Variants in ZFAND3 observed in about 807,000 individuals in gnomAD.
ZFAND3 encodes zinc finger AN1-type containing 3, also known as AN1-type zinc finger protein 3.
Under a neutral mutation model 29.6 loss-of-function variants are expected in ZFAND3, and 10 were observed. That is an observed-to-expected ratio of 0.34 (90% CI 0.21 to 0.57). ZFAND3 has a LOEUF of 0.57. Ranked by LOEUF, ZFAND3 falls within the 20% of genes least tolerant of loss-of-function variation. ZFAND3 has a pLI of 0.86. For synonymous variants in ZFAND3, 128 were observed against 112.6 expected, an observed-to-expected ratio of 1.14 and a Z score of -0.87; for missense variants, 230 against 304.5, an observed-to-expected ratio of 0.76 and a Z score of 1.82.
intron 2 of ZFAND3, among the ~76,000 whole-genome samples, chr6:38,048,754 G>A (rs1387334679): frequency 6.6e-6 from 1 of 151,908 alleles, no homozygotes; most frequent in Non-Finnish European, 1.5e-5. Flanking sequence ...CTTTCTTATG[G>A]TCATGCAGTT....
intron 1 of ZFAND3, among the ~76,000 whole-genome samples, chr6:37,918,328 G>C (rs1384490230): frequency 6.6e-6 from 1 of 152,178 alleles, no homozygotes; most frequent in Non-Finnish European, 1.5e-5. Flanking sequence ...ACCTGCCTCA[G>C]CCTCCCAAAG....
At chr6:37,997,068 T>G (rs1418611154) in intron 2 of ZFAND3, among the ~76,000 whole-genome samples, 2 of 152,206 alleles carry the variant, frequency 1.3e-5, no homozygotes, top group Non-Finnish European at 2.9e-5. Flanking sequence ...GCCTTTATTA[T>G]GTGAATTAGG....
At chr6:38,137,594 A>G (rs554507660) in intron 5 of ZFAND3, among the ~76,000 whole-genome samples, 1 of 152,368 alleles carries the variant, frequency 6.6e-6, no homozygotes, top group East Asian at 1.9e-4. Context: ...GGAGAGATGC[A>G]GTAAGCAAGG....
intron 1 of ZFAND3, among the ~76,000 whole-genome samples, chr6:37,833,631 C>T (rs560043106): frequency 6.6e-6 from 1 of 151,990 alleles, no homozygotes; most frequent in East Asian, 1.9e-4. Flanking sequence ...TAGAGACTAG[C>T]CTGGCCAACA....
At chr6:38,034,708 A>T (rs531943108) in intron 2 of ZFAND3, among the ~76,000 whole-genome samples, 1 of 152,310 alleles carries the variant, frequency 6.6e-6, no homozygotes, top group African/African-American at 2.4e-5. Flanking sequence ...ACTTCTAGGC[A>T]TTTTAAAAAG....
intron 2 of ZFAND3, among the ~76,000 whole-genome samples, chr6:38,040,632 C>T (rs956118478): frequency 2.6e-5 from 4 of 152,144 alleles, no homozygotes; most frequent in African/African-American, 9.7e-5. Context: ...ACAAGATCTC[C>T]AGTATGTCCT....
chr6:37,933,757 TTTTGTTTGTTTG>T (rs758030914), intron 2 of ZFAND3, among the ~76,000 whole-genome samples: 1 of 152,170 alleles, frequency 6.6e-6, no homozygotes, highest in African/African-American at 2.4e-5. Flanking sequence ...AGAGAGGTTT[TTTTGTTTGTTTG>T]TTTGTTTGTT....
At chr6:37,860,270 G>A (rs1764461291) in intron 1 of ZFAND3, among the ~76,000 whole-genome samples, 1 of 150,802 alleles carries the variant, frequency 6.6e-6, no homozygotes, top group African/African-American at 2.4e-5. Context: ...ATAGTAAAGA[G>A]GAATAATATT....
At chr6:38,145,604 G>T (rs1766089033) in intron 5 of ZFAND3, among the ~76,000 whole-genome samples, 1 of 152,202 alleles carries the variant, frequency 6.6e-6, no homozygotes, top group Non-Finnish European at 1.5e-5. Context: ...GGTCATGTTA[G>T]AAGTTTGGTT....
intron 2 of ZFAND3, among the ~76,000 whole-genome samples, chr6:38,015,216 G>C (rs1763233217): frequency 6.6e-6 from 1 of 152,130 alleles, no homozygotes; most frequent in South Asian, 2.1e-4. Context: ...ATTGTGGCTA[G>C]TAATTATGAA....
intron 2 of ZFAND3, among the ~76,000 whole-genome samples, chr6:38,019,804 C>G (rs961648836): frequency 1.3e-5 from 2 of 152,186 alleles, no homozygotes; most frequent in African/African-American, 2.4e-5. Flanking sequence ...TCACTGCAAC[C>G]TCTGCCTCCT....
intron 1 of ZFAND3, among the ~76,000 whole-genome samples, chr6:37,901,247 G>T (rs1765313755): frequency 1.3e-5 from 2 of 152,166 alleles, no homozygotes; most frequent in African/African-American, 4.8e-5. Flanking sequence ...GGAAGGAAAA[G>T]GGCATCCTGA....
At chr6:37,870,515 C>T (rs954226155) in intron 1 of ZFAND3, among the ~76,000 whole-genome samples, 70 of 146,942 alleles carry the variant, frequency 4.8e-4, no homozygotes, top group African/African-American at 1.7e-3. Context: ...AGGAGAATTG[C>T]TTGAACATGG....
chr6:38,123,186 G>A (rs1451652647), intron 5 of ZFAND3, among the ~76,000 whole-genome samples: 1 of 152,192 alleles, frequency 6.6e-6, no homozygotes, highest in South Asian at 2.1e-4. Flanking sequence ...GAGTCAAAAG[G>A]AATATGCATG....
chr6:38,138,854 CATT>C (rs774796585), intron 5 of ZFAND3, among the ~76,000 whole-genome samples: 1 of 152,164 alleles, frequency 6.6e-6, no homozygotes, highest in South Asian at 2.1e-4. Context: ...AGATTCCTAG[CATT>C]ATTCTAGTCA....
chr6:37,843,190 C>G (rs1452865036), intron 1 of ZFAND3, among the ~76,000 whole-genome samples: 1 of 149,642 alleles, frequency 6.7e-6, no homozygotes, highest in African/African-American at 2.5e-5. Flanking sequence ...GATTTTGTTT[C>G]TTTAAGTGTT....
intron 4 of ZFAND3, among the ~76,000 whole-genome samples, chr6:38,103,350 A>G (rs201115899): frequency 0.082 from 155 of 1,900 alleles, 1 homozygote; most frequent in African/African-American, 0.15. Flanking sequence ...GTGTGTATGT[A>G]TATATATATA....
At chr6:38,051,859 T>C (rs1764033705) in intron 2 of ZFAND3, among the ~76,000 whole-genome samples, 1 of 151,284 alleles carries the variant, frequency 6.6e-6, no homozygotes, top group South Asian at 2.1e-4. Flanking sequence ...TTGTTAGATA[T>C]TTGCTGTAAT....
In ZFAND3 at chr6:38,048,632, A is replaced by AAAAAAAAAAAAAAAAT. The variant is rs1403232600; in HGVS notation, c.113-12959_113-12958insAAAAAAAAAAAAATAA. Among the ~76,000 whole-genome samples the AAAAAAAAAAAAAAAAT allele has an allele frequency of 3.3e-5, 5 of 149,254 alleles. No homozygotes were observed. The East Asian group carries it at 9.8e-4, about 29-fold the overall frequency. ...GTGAGACTCCGTCTCAAAAAAAAAA[A>AAAAAAAAAAAAAAAAT]AATTCAATGCCTGTTTTATGAGGGG... On this transcript the variant is annotated intron_variant, in intron 2 of 5. Transcript: ENST00000287218.
Sources: allele counts gnomAD v4.1 joint callset (sites outside exome capture counted in the v4.1 genomes callset), GRCh38; gene constraint gnomAD v4.1.1; transcripts MANE v1.5; gene names NCBI Gene and HGNC (gene_info 2026-07-23, HGNC 2026-07-21).